Variants in CBLN2 observed in about 807,000 individuals in gnomAD.
The protein encoded by CBLN2 is cerebellin 2 precursor.
CBLN2 carries 7 observed loss-of-function variants against 15.0 expected under a neutral mutation model. The ratio of observed to expected loss-of-function variants is 0.47; its 90% CI spans 0.27 to 0.88. The LOEUF is 0.88. Ranked by LOEUF, CBLN2 falls within the 40% of genes least tolerant of loss-of-function variation. The pLI, the probability that CBLN2 is intolerant of heterozygous loss-of-function variation, is 0.14. For synonymous variants in CBLN2, 149 were observed against 135.2 expected, an observed-to-expected ratio of 1.10 and a Z score of -0.71; for missense variants, 242 against 304.5, an observed-to-expected ratio of 0.79 and a Z score of 1.53.
intron 1 of CBLN2, among the ~76,000 whole-genome samples, chr18:72,628,056 A>G (rs1223539815): frequency 1.3e-5 from 2 of 152,150 alleles, no homozygotes; most frequent in Non-Finnish European, 2.9e-5. Flanking sequence ...TAGTCTCTGA[A>G]TTCTTGATGA....
chr18:72,586,285 C>G (rs920015645), intron 1 of CBLN2, among the ~76,000 whole-genome samples: 32 of 152,202 alleles, frequency 2.1e-4, no homozygotes, highest in African/African-American at 7.2e-4. Flanking sequence ...CATTATTCCT[C>G]CATTATATAA....
chr18:72,573,415 T>G (rs946001393), intron 1 of CBLN2, among the ~76,000 whole-genome samples: 7 of 152,210 alleles, frequency 4.6e-5, no homozygotes, highest in Non-Finnish European at 1.0e-4. Context: ...AAACCTTCCG[T>G]GCTCTGCTTA....
chr18:72,611,833 A>G lies in CBLN2; in HGVS notation c.15+26492T>C, dbSNP rs77494084. ...TCATTTCCCAACACCAATGTCTAGA[A>G]TGTCTCCTAGGTTTTCTTCTAGAAT... On this transcript the variant is annotated intron_variant, in intron 1 of 2. Coordinates refer to the CBLN2 transcript ENST00000581073. Among the ~76,000 whole-genome samples the G allele has an allele frequency of 7.2e-5, 11 of 152,202 alleles. No individual in the cohort carries two copies. The East Asian group carries it at 2.1e-3, about 29-fold the overall frequency.
chr18:72,551,273 G>A (rs1216270050), intron 1 of CBLN2, among the ~76,000 whole-genome samples: 1 of 152,042 alleles, frequency 6.6e-6, no homozygotes, highest in East Asian at 1.9e-4. Flanking sequence ...TATATGAAAT[G>A]AAGAGAAAAT....
chr18:72,595,311 T>A (rs1466985064), intron 1 of CBLN2, among the ~76,000 whole-genome samples: 1 of 152,110 alleles, frequency 6.6e-6, no homozygotes, highest in South Asian at 2.1e-4. Context: ...AGCATATTCT[T>A]TAATTTTTGT....
chr18:72,598,527 T>G (rs559715636), intron 1 of CBLN2, among the ~76,000 whole-genome samples: 54 of 152,224 alleles, frequency 3.5e-4, no homozygotes, highest in Non-Finnish European at 5.1e-4. Flanking sequence ...GCAGGGGTTA[T>G]GCAAGCACTC....
intron 1 of CBLN2, among the ~76,000 whole-genome samples, chr18:72,609,984 A>G (rs565059434): frequency 6.6e-6 from 1 of 152,214 alleles, no homozygotes; most frequent in Non-Finnish European, 1.5e-5. Context: ...TCCTGTGTGT[A>G]CAGGCAGGAC....
At chr18:72,600,118 T>G (rs1318443195) in intron 1 of CBLN2, among the ~76,000 whole-genome samples, 1 of 152,222 alleles carries the variant, frequency 6.6e-6, no homozygotes, top group Non-Finnish European at 1.5e-5. Flanking sequence ...GGTTTCCAGG[T>G]GGAATATGTT....
At chr18:72,541,716 G>C in intron 3 of CBLN2, 88 bp downstream of exon 3, 2 of 1,061,416 alleles carry the variant, frequency 1.9e-6, no homozygotes, top group African/African-American at 1.6e-5. Context: ...GGAACTCCAC[G>C]TCCAAGAAGC....
At chr18:72,618,934 G>C in intron 1 of CBLN2, 1 of 739,152 alleles carries the variant, frequency 1.4e-6, no homozygotes, top group Admixed American at 1.7e-5. Flanking sequence ...AAACTTCAGT[G>C]GTCATGGTGG....
At position 72,625,812 on chromosome 18, in the gene CBLN2, C is replaced by CTATATA. The variant is rs1356605655; in HGVS notation, c.15+12512_15+12513insTATATA. 5.8e-3 allele frequency among the ~76,000 whole-genome samples: 400 copies of CTATATA among 68,940 alleles called. 1 individual carries two copies. Among genetic ancestry groups the CTATATA allele is most frequent in the Admixed American group, 0.014 (71 of 4,986 alleles). 45.2% of individuals were successfully genotyped at this position (68,940 alleles called of 152,430 possible). A position where few individuals can be genotyped will look rare whatever the true frequency, so the allele number is the denominator to read the frequency against. ...ACTCTCTCTCTCTCTCTCTCTCTCT[C>CTATATA]TCTCTCTATATATATATATATATAT... is the stretch of plus-strand genomic sequence containing the variant. On this transcript the variant is annotated intron_variant, in intron 1 of 2. Transcript: ENST00000581073.
chr18:72,618,938 A>ATGG (rs2069681220), intron 1 of CBLN2: 1 of 743,190 alleles, frequency 1.3e-6, no homozygotes, highest in Non-Finnish European at 2.4e-6. Flanking sequence ...TTCAGTGGTC[A>ATGG]TGGTGGCTTT....
intron 2 of CBLN2, 48 bp from the exon 3 acceptor site, chr18:72,542,374 C>T (rs866233848): frequency 7.7e-6 from 2 of 260,736 alleles, no homozygotes; most frequent in African/African-American, 4.6e-5. Flanking sequence ...GTGGAGCCAC[C>T]GGGAAGAAGG....
intron 1 of CBLN2, among the ~76,000 whole-genome samples, chr18:72,588,738 T>A (rs943780426): frequency 6.6e-6 from 1 of 152,018 alleles, no homozygotes; most frequent in African/African-American, 2.4e-5. Flanking sequence ...TCTGATTAGA[T>A]CTTTAAAGGC....
intron 1 of CBLN2, among the ~76,000 whole-genome samples, chr18:72,585,809 C>G (rs1441685511): frequency 6.6e-6 from 1 of 152,248 alleles, no homozygotes; most frequent in Non-Finnish European, 1.5e-5. Context: ...TGGCCTCCCT[C>G]TCATGCCCAT....
chr18:72,583,073 C>T (rs1017297122), intron 1 of CBLN2, among the ~76,000 whole-genome samples: 4 of 152,108 alleles, frequency 2.6e-5, no homozygotes, highest in Middle Eastern at 3.2e-3. Flanking sequence ...AGGATGGAAG[C>T]TGGGCCCGGG....
At chr18:72,589,622 A>G (rs1026346937) in intron 1 of CBLN2, among the ~76,000 whole-genome samples, 5 of 152,240 alleles carry the variant, frequency 3.3e-5, no homozygotes, top group Non-Finnish European at 5.9e-5. Context: ...AGCAACTAGC[A>G]TACTACTGGA....
intron 1 of CBLN2, among the ~76,000 whole-genome samples, chr18:72,563,691 T>C (rs953711688): frequency 2.0e-5 from 3 of 152,204 alleles, no homozygotes; most frequent in African/African-American, 7.2e-5. Flanking sequence ...CATTTGTTTG[T>C]ACACCAACCA....
At chr18:72,570,907 C>T (rs1371286461) in intron 1 of CBLN2, among the ~76,000 whole-genome samples, 1 of 151,968 alleles carries the variant, frequency 6.6e-6, no homozygotes, top group African/African-American at 2.4e-5. Context: ...GGGTCATGAA[C>T]AAATTTTAGT....
Sources: gnomAD v4.1 joint callset for allele counts (sites outside exome capture counted in the v4.1 genomes callset) on GRCh38, gnomAD v4.1.1 for gene constraint, MANE v1.5 for transcripts, NCBI Gene and HGNC (gene_info 2026-07-23, HGNC 2026-07-21) for gene names.